The following ELOVL7 variants were observed in gnomAD, a reference collection of about 807,000 sequenced individuals.
ELOVL7 encodes the protein ELOVL fatty acid elongase 7.
In ELOVL7, 27 loss-of-function variants were observed where a neutral mutation model predicts 35.7. The observed-to-expected ratio is 0.76, with a 90% CI of 0.56 to 1.04. ELOVL7 has a LOEUF of 1.04. Ranked by LOEUF, ELOVL7 falls within the 50% of genes least tolerant of loss-of-function variation. The probability of loss-of-function intolerance (pLI) is 0.00; values close to 1 mark genes in which losing one functional copy is unlikely to be tolerated. For missense variants in ELOVL7, 327 were observed against 340.8 expected (o/e 0.96, Z 0.32); for synonymous variants, 113 against 114.6 (o/e 0.99, Z 0.09).
chr5:60,775,476 T>G (rs990768283), intron 3 of ELOVL7, among the ~76,000 whole-genome samples: 12 of 152,168 alleles, frequency 7.9e-5, no homozygotes, highest in Admixed American at 2.6e-4. Context: ...TAGAAAAAAC[T>G]ATTCTCAAAT....
At chr5:60,811,980 C>A (rs1745261499) in intron 1 of ELOVL7, among the ~76,000 whole-genome samples, 1 of 152,242 alleles carries the variant, frequency 6.6e-6, no homozygotes, top group Admixed American at 6.5e-5. Flanking sequence ...ATTTAGGAGG[C>A]CAAGGCAGGA....
intron 1 of ELOVL7, among the ~76,000 whole-genome samples, chr5:60,833,021 T>C (rs1413162145): frequency 3.9e-5 from 6 of 152,204 alleles, no homozygotes; most frequent in Admixed American, 3.9e-4. Context: ...GGGGGAAGCA[T>C]AATCCTCGCC....
chr5:60,823,093 C>T (rs1745978372), intron 1 of ELOVL7, among the ~76,000 whole-genome samples: 1 of 151,954 alleles, frequency 6.6e-6, no homozygotes, highest in Non-Finnish European at 1.5e-5. Context: ...CTTTATTAGT[C>T]TTAAGGTGAT....
chr5:60,819,354 C>T (rs1387376092), intron 1 of ELOVL7, among the ~76,000 whole-genome samples: 7 of 151,870 alleles, frequency 4.6e-5, no homozygotes, highest in South Asian at 2.1e-4. Context: ...AATGTACTGA[C>T]GGTTAGAAGA....
chr5:60,810,517 T>C (rs1291450130), intron 1 of ELOVL7, among the ~76,000 whole-genome samples: 2 of 152,338 alleles, frequency 1.3e-5, no homozygotes, highest in Non-Finnish European at 1.5e-5. Context: ...CCATTACCTA[T>C]ACATGATTAT....
intron 1 of ELOVL7, among the ~76,000 whole-genome samples, chr5:60,838,732 A>C (rs1363367346): frequency 6.6e-6 from 1 of 152,186 alleles, no homozygotes; most frequent in Non-Finnish European, 1.5e-5. Flanking sequence ...TCTGTTTAAA[A>C]ATATTTATGA....
intron 1 of ELOVL7, among the ~76,000 whole-genome samples, chr5:60,805,521 TAATC>T (rs1179775811): frequency 6.6e-6 from 1 of 152,218 alleles, no homozygotes; most frequent in Non-Finnish European, 1.5e-5. Flanking sequence ...AGAAATGTCT[TAATC>T]AATGTGGTGC....
At chr5:60,821,058 G>A (rs548364595) in intron 1 of ELOVL7, among the ~76,000 whole-genome samples, 19 of 152,154 alleles carry the variant, frequency 1.2e-4, no homozygotes, top group South Asian at 4.2e-4. Flanking sequence ...GTTCACTTCC[G>A]TCTTTGTGTG....
At chr5:60,784,294 C>A in intron 3 of ELOVL7, 1 of 469,842 alleles carries the variant, frequency 2.1e-6, no homozygotes, top group Non-Finnish European at 3.8e-6. Flanking sequence ...ACTCATACTC[C>A]ATCTTCTTGC....
intron 3 of ELOVL7, among the ~76,000 whole-genome samples, chr5:60,780,115 T>A (rs1370292149): frequency 1.2e-5 from 1 of 85,818 alleles, no homozygotes. Flanking sequence ...AAACTTTCCC[T>A]TTTTTTTTTT....
intron 1 of ELOVL7, among the ~76,000 whole-genome samples, chr5:60,801,154 C>G (rs1744587394): frequency 1.3e-5 from 2 of 151,962 alleles, no homozygotes; most frequent in Admixed American, 6.6e-5. Context: ...TCTCAAACTC[C>G]TGAGCTCAGG....
intron 1 of ELOVL7, among the ~76,000 whole-genome samples, chr5:60,823,969 C>T (rs1236900380): frequency 6.6e-6 from 1 of 152,204 alleles, no homozygotes; most frequent in Admixed American, 6.6e-5. Context: ...TACCATTTTA[C>T]CCAGTTTTCC....
rs1415390204 is a variant in ELOVL7 at position 60,790,153 on chromosome 5, G to GA, written c.-34-2723dup. Among the ~76,000 whole-genome samples the GA allele has an allele frequency of 4.0e-5, 6 of 151,322 alleles. No homozygotes were observed. The East Asian group carries it at 7.8e-4, about 20-fold the overall frequency. ...ACACTACCTCAAAAAGAAAAGAAAA[G>GA]AAAAAAACAAAGAAAGTACAAAATT... On this transcript the variant is annotated intron_variant, in intron 2 of 8. Transcript: ENST00000508821.
intron 1 of ELOVL7, among the ~76,000 whole-genome samples, chr5:60,801,823 C>T (rs1050551409): frequency 6.6e-6 from 1 of 151,894 alleles, no homozygotes; most frequent in Non-Finnish European, 1.5e-5. Context: ...CTCCTCCTGC[C>T]CTTGAATGTC....
rs34086506 is a variant in ELOVL7, at chr5:60,807,992, C to CAAA, written c.-85-8765_-85-8763dup. Among the ~76,000 whole-genome samples the CAAA allele has an allele frequency of 9.7e-4, 41 of 42,418 alleles. 2 individuals carry two copies. The highest frequency in any genetic ancestry group is 1.9e-3 in the Admixed American group (4 of 2,100). 27.8% of individuals were successfully genotyped at this position (42,418 alleles called of 152,430 possible). ...CCAGCCTGGGCGTGAGACTCCGTCTCAAAAAAAAAAAAAAAAAAAAAAAAA... is the reference window on the plus strand; with the variant it reads ...CCAGCCTGGGCGTGAGACTCCGTCTCAAAAAAAAAAAAAAAAAAAAAAAAAAAA... On this transcript the variant is annotated intron_variant, in intron 1 of 8. Coordinates refer to ENST00000508821, the MANE Select transcript of ELOVL7 (RefSeq NM_024930.3).
At chr5:60,791,903 C>A (rs996238159) in intron 2 of ELOVL7, among the ~76,000 whole-genome samples, 1 of 152,038 alleles carries the variant, frequency 6.6e-6, no homozygotes, top group Admixed American at 6.6e-5. Context: ...TGTATCTGTG[C>A]GATTTTTTTC....
chr5:60,805,412 G>A (rs926543284), intron 1 of ELOVL7, among the ~76,000 whole-genome samples: 2 of 152,218 alleles, frequency 1.3e-5, no homozygotes, highest in African/African-American at 4.8e-5. Context: ...TTACAGTGGT[G>A]GCACCTGATT....
intron 2 of ELOVL7, among the ~76,000 whole-genome samples, chr5:60,795,380 TA>T (rs1189420357): frequency 1.3e-5 from 2 of 152,168 alleles, no homozygotes; most frequent in African/African-American, 4.8e-5. Context: ...CTCACTAAAA[TA>T]CAAATTAACA....
intron 1 of ELOVL7, among the ~76,000 whole-genome samples, chr5:60,838,822 A>C (rs1027548413): frequency 5.3e-5 from 8 of 150,280 alleles, no homozygotes; most frequent in Admixed American, 2.7e-4. Context: ...TCAGGAATTC[A>C]AGAGCAGCCT....
Sources: gnomAD v4.1 joint callset for allele counts (sites outside exome capture counted in the v4.1 genomes callset) on GRCh38, gnomAD v4.1.1 for gene constraint, MANE v1.5 for transcripts, NCBI Gene and HGNC (gene_info 2026-07-23, HGNC 2026-07-21) for gene names.